The following SUPT7L variants were observed in gnomAD, a reference collection of about 807,000 sequenced individuals.
SUPT7L encodes STAGA complex 65 subunit gamma.
A neutral mutation model predicts 35.7 loss-of-function variants in SUPT7L; 15 were observed. The observed-to-expected ratio is 0.42, with a 90% confidence interval of 0.28 to 0.65. The LOEUF (loss-of-function observed/expected upper bound fraction) is 0.65, where lower values mean the gene tolerates loss of function less well. Among genes scored for constraint, SUPT7L ranks in the 30% least tolerant of loss-of-function variants. The pLI is 0.23. For synonymous variants in SUPT7L, 168 were observed against 186.2 expected, an observed-to-expected ratio of 0.90 and a Z score of 0.79; for missense variants, 434 against 522.2, an observed-to-expected ratio of 0.83 and a Z score of 1.65.
rs1674745853 is a variant in SUPT7L at position 27,655,394 on chromosome 2, A to G, written c.953T>C (p.Leu318Pro). ...GAQSERFPSN[L>P]EVEASPQASS... ...AGCCTGTGGTGAAGCTTCAACCTCC[A>G]GGTTAGATGGGAAGCGTTCGCTCTG... Residue 318 changes from leucine (L) to proline (P), a missense_variant, in exon 5 of 6, where the codon CTG becomes CCG. Coordinates refer to ENST00000337768, the MANE Select transcript of SUPT7L (RefSeq NM_014860.3). 4 of 1,588,682 alleles carry G rather than the reference A, an allele frequency of 2.5e-6. No individual in the cohort carries two copies. Among genetic ancestry groups the G allele is most frequent in the Non-Finnish European group, 3.4e-6 (4 of 1,169,434 alleles).
chr2:27,661,867 G>T, intron 2 of SUPT7L: 1 of 436,292 alleles, frequency 2.3e-6, no homozygotes, highest in Non-Finnish European at 4.1e-6. Flanking sequence ...AAAACTAGTA[G>T]GGTTAAAGAT....
the SUPT7L span, among the ~76,000 whole-genome samples, chr2:27,645,185 G>A: frequency 1.3e-5 from 2 of 152,228 alleles, no homozygotes; most frequent in South Asian, 4.1e-4. Context: ...TGCCCAGGCT[G>A]GTCTTGAACT....
chr2:27,655,555 C>G lies in SUPT7L; in HGVS notation c.792G>C (p.Glu264Asp). The stretch of plus-strand genomic sequence containing the variant: ...CAGGTTTAGCGTCCTCTGTGGCCTT[C>G]TCAGGATTGACAATCCTTTCATATT... The part of the protein sequence containing the change: ...SEEYERIVNP[E>D]KATEDAKPVK... The change falls in exon 5 of 6, where the codon GAG becomes GAC. Residue 264 changes from glutamate (E) to aspartate (D), a missense_variant. By Grantham distance (45) the Glu-to-Asp change is conservative (BLOSUM62 2). This residue lies in a region of SUPT7L where 159 missense variants were observed against 217.1 expected (regional missense o/e 0.73). Transcript: ENST00000337768. The G allele has an allele frequency of 6.2e-7, 1 of 1,612,078 alleles. No individual in the cohort carries two copies. Among genetic ancestry groups the G allele is most frequent in the Non-Finnish European group, 8.5e-7 (1 of 1,179,336 alleles).
At position 27,651,344 on chromosome 2, in the gene SUPT7L, C is replaced by T. The variant is rs1441307900; in HGVS notation, c.*2141G>A. The T allele has an allele frequency of 6.6e-6, 1 of 152,270 alleles. No homozygotes were observed. The highest frequency in any genetic ancestry group is 1.5e-5 in the Non-Finnish European group (1 of 68,044). The allele number at this position is 152,270 out of a possible 1,614,324, so 9.4% of individuals were successfully genotyped here. A position where few individuals can be genotyped will look rare whatever the true frequency, so the allele number is the denominator to read the frequency against. The stretch of plus-strand genomic sequence containing the variant: ...GAGCAGTCTGTTTTAGAAAGCCCTC[C>T]ATGTGATTCTGATGCATAGTAGCCT... On this transcript the variant is annotated 3_prime_UTR_variant, in exon 6 of 6. Coordinates refer to ENST00000337768, the MANE Select transcript of SUPT7L (RefSeq NM_014860.3).
intron 1 of SUPT7L, 78 bp downstream of exon 1, chr2:27,663,251 T>C (rs1206610251): frequency 6.1e-6 from 1 of 164,886 alleles, no homozygotes; most frequent in Admixed American, 5.6e-5. Context: ...CACTTAACTA[T>C]TCTGCCTTAA....
At chr2:27,660,912 C>G (rs1364883455) in intron 3 of SUPT7L, 72 bp downstream of exon 3, 3 of 1,482,658 alleles carry the variant, frequency 2.0e-6, no homozygotes, top group African/African-American at 1.4e-5. Flanking sequence ...AATGGAAATG[C>G]TATTATAGGC....
At position 27,662,234 on chromosome 2, in the gene SUPT7L, G is replaced by A. The variant is rs746943008; in HGVS notation, c.-42C>T. On this transcript the variant is annotated 5_prime_UTR_variant, in exon 2 of 6. Coordinates refer to ENST00000337768, the MANE Select transcript of SUPT7L (RefSeq NM_014860.3). Reference sequence around the variant, plus strand: ...CAAGTTCAACAAACATTTATCAAATGCCAGGCATTCTGTGTCGGTCAAAGA... The same window carrying A: ...CAAGTTCAACAAACATTTATCAAATACCAGGCATTCTGTGTCGGTCAAAGA... 9.3e-6 allele frequency: 15 copies of A among 1,607,140 alleles called. No homozygotes were observed. Among genetic ancestry groups the A allele is most frequent in the Middle Eastern group, 3.3e-4 (2 of 6,070 alleles).
At chr2:27,645,706 A>G in the SUPT7L span, among the ~76,000 whole-genome samples, 17 of 146,350 alleles carry the variant, frequency 1.2e-4, no homozygotes, top group African/African-American at 4.2e-4. Context: ...TTTCTTTTTA[A>G]TTTTTTTTTT....
In SUPT7L at chr2:27,651,630, A is replaced by C. The variant is rs1674558276; in HGVS notation, c.*1855T>G. On this transcript the variant is annotated 3_prime_UTR_variant, in exon 6 of 6. Coordinates refer to ENST00000337768, the MANE Select transcript of SUPT7L (RefSeq NM_014860.3). ...TTGGTTTTTCTCTGTAGTACTTTTG[A>C]ATGCTTTATCTTCCTTACAGAATAA... 1 of 152,220 alleles carries C rather than the reference A, an allele frequency of 6.6e-6. No homozygotes were observed. Among genetic ancestry groups the C allele is most frequent in the East Asian group, 1.9e-4 (1 of 5,206 alleles). The allele number at this position is 152,220 out of a possible 1,614,324, so 9.4% of individuals were successfully genotyped here. A position where few individuals can be genotyped will look rare whatever the true frequency, so the allele number is the denominator to read the frequency against.
intron 5 of SUPT7L, 62 bp downstream of exon 5, chr2:27,655,296 CCAAAAAG>C: frequency 6.9e-7 from 1 of 1,443,068 alleles, no homozygotes; most frequent in Non-Finnish European, 9.3e-7. Flanking sequence ...GAGCTTGATT[CCAAAAAG>C]CAAAAAGTAC....
intron 2 of SUPT7L, chr2:27,661,678 A>C: frequency 8.0e-7 from 1 of 1,246,684 alleles, no homozygotes; most frequent in East Asian, 4.0e-5. Context: ...ACACTGAACC[A>C]CAGGGTAGAA....
chr2:27,659,826 TAC>T (rs1210620881), intron 3 of SUPT7L, among the ~76,000 whole-genome samples: 4 of 152,292 alleles, frequency 2.6e-5, no homozygotes, highest in East Asian at 1.9e-4. Flanking sequence ...TATATGTGTA[TAC>T]ACACACATAT....
chr2:27,648,192 G>A (rs1182540123), downstream of SUPT7L, among the ~76,000 whole-genome samples: 1 of 152,122 alleles, frequency 6.6e-6, no homozygotes, highest in East Asian at 1.9e-4. Context: ...AGGGATCCAG[G>A]ACTTTTGTTT....
At chr2:27,650,600 G>C (rs1302923137), downstream of SUPT7L, 1 of 156,156 alleles carries the variant, frequency 6.4e-6, no homozygotes, top group Non-Finnish European at 1.4e-5. Context: ...TACTCCCCCA[G>C]CTTCTTGCTC....
chr2:27,649,268 C>CAAAA (rs996492260), downstream of SUPT7L, among the ~76,000 whole-genome samples: 4 of 150,398 alleles, frequency 2.7e-5, no homozygotes, highest in East Asian at 2.0e-4. Context: ...AACAAACAAA[C>CAAAA]AAAAAAACAC....
chr2:27,660,738 C>T (rs756218827), intron 3 of SUPT7L, among the ~76,000 whole-genome samples: 4 of 151,946 alleles, frequency 2.6e-5, no homozygotes, highest in Non-Finnish European at 5.9e-5. Flanking sequence ...CAGTGTATTA[C>T]CCTGCTCCTA....
the SUPT7L span, among the ~76,000 whole-genome samples, chr2:27,645,338 G>C: frequency 6.6e-6 from 1 of 152,046 alleles, no homozygotes; most frequent in Middle Eastern, 3.4e-3. Context: ...GTACCATGTT[G>C]TTTTAATTAT....
the SUPT7L span, chr2:27,642,572 T>TTTTA: frequency 4.2e-5 from 45 of 1,068,430 alleles, no homozygotes; most frequent in Admixed American, 1.7e-4. Context: ...CACTTCTTTC[T>TTTTA]TTTATTTATT....
intron 3 of SUPT7L, 145 bp downstream of exon 3, chr2:27,660,839 A>T: frequency 8.8e-7 from 1 of 1,135,870 alleles, no homozygotes; most frequent in Non-Finnish European, 1.2e-6. Context: ...TAGATATCCC[A>T]CTAATTACCT....
Sources: gnomAD v4.1 joint callset for allele counts (sites outside exome capture counted in the v4.1 genomes callset) on GRCh38, gnomAD v4.1.1 for gene constraint, gnomAD v4.1.1 regional missense constraint, MANE v1.5 for transcripts, NCBI Gene and HGNC (gene_info 2026-07-23, HGNC 2026-07-21) for gene names.